CACNA1C: variants seen among roughly 807,000 people sequenced by gnomAD.
The protein encoded by CACNA1C is calcium voltage-gated channel subunit alpha1 C, also known as voltage-dependent L-type calcium channel subunit alpha-1C.
A neutral mutation model predicts 229.0 loss-of-function variants in CACNA1C; 30 were observed. That is an observed-to-expected ratio of 0.13 (90% CI 0.10 to 0.18). CACNA1C has a LOEUF of 0.18. Ranked by LOEUF, CACNA1C falls within the 10% of genes least tolerant of loss-of-function variation. The pLI is 1.00. For synonymous variants in CACNA1C, 1,114 were observed against 1,132.5 expected (o/e 0.98, Z 0.33); for missense variants, 1,658 against 2,845.0 (o/e 0.58, Z 9.49).
At chr12:2,429,140 T>A (rs902426756) in intron 3 of CACNA1C, among the ~76,000 whole-genome samples, 1 of 151,972 alleles carries the variant, frequency 6.6e-6, no homozygotes, top group Non-Finnish European at 1.5e-5. Flanking sequence ...GGTGGTCACA[T>A]GGCTTCCCTC....
rs527735807 is a variant in CACNA1C, at chr12:2,579,035, G to A, written c.1896-2555G>A. 3.6e-4 allele frequency among the ~76,000 whole-genome samples: 55 copies of A among 152,186 alleles called. 1 individual carries two copies. In the South Asian group the frequency reaches 0.011, roughly 32 times the overall value. ...TTCTGAGGGGCTCCCAGGTCAGGAG[G>A]GCCCCCCCACCTCACCATCCCTCTC... On this transcript the variant is annotated intron_variant, in intron 13 of 46. Transcript: ENST00000399655.
In CACNA1C at chr12:2,194,437, T is replaced by A. The variant is rs528180320; in HGVS notation, c.477+74007T>A. ...CTCTTCCCCCTCCTCTGAGCAGCCA[T>A]ATTACATAGCTTACTCACGTTGACC... On this transcript the variant is annotated intron_variant, in intron 3 of 46. Transcript: ENST00000399655. Among the ~76,000 whole-genome samples, 317 of 145,032 alleles carry A rather than the reference T, an allele frequency of 2.2e-3. 2 individuals are homozygous for A. The highest frequency in any genetic ancestry group is 3.6e-3 in the Non-Finnish European group (242 of 66,372).
At chr12:2,236,912 C>T (rs1251458806) in intron 3 of CACNA1C, among the ~76,000 whole-genome samples, 4 of 152,218 alleles carry the variant, frequency 2.6e-5, no homozygotes, top group Admixed American at 2.6e-4. Flanking sequence ...TCCTCCCCTC[C>T]CTCCAGTCCT....
chr12:2,042,009 A>G (rs1343810684), intron 1 of CACNA1C, among the ~76,000 whole-genome samples: 1 of 152,222 alleles, frequency 6.6e-6, no homozygotes, highest in Non-Finnish European at 1.5e-5. Context: ...AAATGATGCA[A>G]TTTCTGGTGC....
chr12:2,356,840 T>G (rs1368078081), intron 3 of CACNA1C, among the ~76,000 whole-genome samples: 1 of 152,180 alleles, frequency 6.6e-6, no homozygotes, highest in Non-Finnish European at 1.5e-5. Context: ...GCATTCCCAT[T>G]CCACAGATGA....
chr12:2,634,553 A>T, intron 30 of CACNA1C, among the ~76,000 whole-genome samples, 173 bp downstream of exon 30: 1 of 138,818 alleles, frequency 7.2e-6, no homozygotes, highest in Non-Finnish European at 1.6e-5. Context: ...TTTATTTTGA[A>T]ATCTTTTTTT....
intron 1 of CACNA1C, among the ~76,000 whole-genome samples, chr12:1,998,884 C>A (rs1049557173): frequency 6.6e-6 from 1 of 152,160 alleles, no homozygotes; most frequent in Admixed American, 6.5e-5. Context: ...TATTAATATT[C>A]ATCACCATAA....
rs1254573962 is a variant in CACNA1C, at chr12:2,646,696, A to G, written c.3913-1779A>G. On this transcript the variant is annotated intron_variant, in intron 30 of 46. Transcript: ENST00000399655. This position sits in a 1 kb window ranked among gnomAD's most constrained non-coding sequence, Gnocchi z 4.6. ...CCATCCTGGGCAACTATCACACACC[A>G]GAGCAAAAGGGGTTTAGGTGCTTTG... Among the ~76,000 whole-genome samples, 1 of 152,130 alleles carries G rather than the reference A, an allele frequency of 6.6e-6. No homozygotes were observed. Among genetic ancestry groups the G allele is most frequent in the African/African-American group, 2.4e-5 (1 of 41,416 alleles).
At chr12:2,526,034 G>A (rs896169560) in intron 9 of CACNA1C, among the ~76,000 whole-genome samples, 5 of 152,218 alleles carry the variant, frequency 3.3e-5, no homozygotes, top group Non-Finnish European at 5.9e-5. Context: ...AATTGGCAGC[G>A]TTAGGCTGGG....
chr12:2,668,329 G>A (rs907356872), intron 37 of CACNA1C, among the ~76,000 whole-genome samples: 8 of 152,110 alleles, frequency 5.3e-5, no homozygotes, highest in African/African-American at 1.4e-4. Context: ...CCCACTCCAC[G>A]AGGAGGGTCA....
chr12:2,462,585 A>G (rs2099517834), intron 5 of CACNA1C, among the ~76,000 whole-genome samples: 1 of 152,224 alleles, frequency 6.6e-6, no homozygotes, highest in Non-Finnish European at 1.5e-5. Flanking sequence ...AATAAAGGTG[A>G]TAAATATCTG....
At chr12:2,041,471 T>A (rs1019656261) in intron 1 of CACNA1C, among the ~76,000 whole-genome samples, 3 of 151,672 alleles carry the variant, frequency 2.0e-5, no homozygotes, top group Admixed American at 2.0e-4. Context: ...AGAGACGGGG[T>A]TTCACCATGT....
intron 3 of CACNA1C, among the ~76,000 whole-genome samples, chr12:2,280,285 C>T (rs1163110522): frequency 1.3e-5 from 1 of 79,386 alleles, no homozygotes; most frequent in Non-Finnish European, 2.2e-5. Flanking sequence ...TGCTGTGCTT[C>T]GGTTTAACCT....
At chr12:2,286,633 G>T (rs979175927) in intron 3 of CACNA1C, among the ~76,000 whole-genome samples, 1 of 152,118 alleles carries the variant, frequency 6.6e-6, no homozygotes, top group Admixed American at 6.5e-5. Flanking sequence ...CCGGACACAG[G>T]GCTGGGGCTG....
intron 3 of CACNA1C, among the ~76,000 whole-genome samples, chr12:2,233,919 G>T (rs1287822016): frequency 1.3e-5 from 2 of 152,110 alleles, no homozygotes; most frequent in African/African-American, 4.8e-5. Context: ...CAGCTTCAAG[G>T]GGGTCGAAAG....
intron 3 of CACNA1C, among the ~76,000 whole-genome samples, chr12:2,277,403 A>G (rs1431057724): frequency 7.0e-6 from 1 of 142,732 alleles, no homozygotes; most frequent in Non-Finnish European, 1.6e-5. Flanking sequence ...ACACACACAC[A>G]CACACACACA....
chr12:2,345,300 C>T (rs1425051272), intron 3 of CACNA1C, among the ~76,000 whole-genome samples: 1 of 151,806 alleles, frequency 6.6e-6, no homozygotes, highest in Non-Finnish European at 1.5e-5. Flanking sequence ...ACAGGCAGCT[C>T]CCCCTGTACG....
chr12:2,615,844 C>T (rs534222906), intron 29 of CACNA1C, among the ~76,000 whole-genome samples: 4 of 152,276 alleles, frequency 2.6e-5, no homozygotes, highest in Admixed American at 1.3e-4. Context: ...CTGCAGGAGG[C>T]GATGAGTGAG....
At chr12:2,544,500 G>C (rs1456853283) in intron 9 of CACNA1C, among the ~76,000 whole-genome samples, 1 of 152,188 alleles carries the variant, frequency 6.6e-6, no homozygotes, top group Non-Finnish European at 1.5e-5. Context: ...ATTAATATTA[G>C]GTTGGTGCAA....
Sources: allele counts gnomAD v4.1 joint callset (sites outside exome capture counted in the v4.1 genomes callset), GRCh38; gene constraint gnomAD v4.1.1; non-coding constraint Gnocchi (gnomAD v3.1); transcripts MANE v1.5; gene names NCBI Gene and HGNC (gene_info 2026-07-23, HGNC 2026-07-21).